The following PARD3B variants were observed in gnomAD, a reference collection of about 807,000 sequenced individuals.
PARD3B encodes the protein partitioning defective 3 homolog B.
A neutral mutation model predicts 130.2 loss-of-function variants in PARD3B; 103 were observed. The ratio of observed to expected loss-of-function variants is 0.79; its 90% CI spans 0.67 to 0.93. PARD3B has a LOEUF of 0.93. Ranked by LOEUF, PARD3B falls within the 40% of genes least tolerant of loss-of-function variation. The pLI, the probability that PARD3B is intolerant of heterozygous loss-of-function variation, is 0.00. For synonymous variants in PARD3B, 583 were observed against 553.2 expected, an observed-to-expected ratio of 1.05 and a Z score of -0.76; for missense variants, 1,609 against 1,499.2, an observed-to-expected ratio of 1.07 and a Z score of -1.21.
At chr2:204,880,657 C>CAAAAAAAAAAAAAAAAAAAAAAA (rs746023895) in intron 2 of PARD3B, among the ~76,000 whole-genome samples, 1 of 55,466 alleles carries the variant, frequency 1.8e-5, no homozygotes, top group African/African-American at 5.4e-5. Context: ...GACTCCATCT[C>CAAAAAAAAAAAAAAAAAAAAAAA]AAAAAAAAAA....
intron 2 of PARD3B, among the ~76,000 whole-genome samples, chr2:204,745,392 TA>T (rs1300294545): frequency 7.3e-6 from 1 of 137,710 alleles, no homozygotes; most frequent in Non-Finnish European, 1.5e-5. Context: ...TAATCCTTTG[TA>T]AGGTAAATAC....
intron 2 of PARD3B, among the ~76,000 whole-genome samples, chr2:204,810,925 A>G (rs1392917263): frequency 6.6e-5 from 10 of 152,022 alleles, no homozygotes; most frequent in Admixed American, 6.6e-4. Context: ...CTGTGAATCC[A>G]TCTGGTCCTG....
intron 10 of PARD3B, among the ~76,000 whole-genome samples, chr2:205,130,310 A>T (rs560617278): frequency 6.6e-6 from 1 of 152,338 alleles, no homozygotes; most frequent in African/African-American, 2.4e-5. Flanking sequence ...TAGTTAATCA[A>T]CTGGTGGTTT....
intron 8 of PARD3B, among the ~76,000 whole-genome samples, chr2:205,123,340 C>CA (rs1362143799): frequency 6.6e-6 from 1 of 152,120 alleles, no homozygotes; most frequent in Non-Finnish European, 1.5e-5. Flanking sequence ...TTGAAAAGGT[C>CA]AGGATCTGGA....
chr2:205,546,698 C>T (rs1248034154), intron 21 of PARD3B, among the ~76,000 whole-genome samples: 2 of 152,176 alleles, frequency 1.3e-5, no homozygotes, highest in African/African-American at 4.8e-5. Context: ...CCTCTATCTG[C>T]AATTTCCTAT....
intron 19 of PARD3B, among the ~76,000 whole-genome samples, chr2:205,419,889 G>T (rs2046907164): frequency 6.6e-6 from 1 of 152,090 alleles, no homozygotes; most frequent in South Asian, 2.1e-4. Flanking sequence ...GGAGAAGGAT[G>T]GTCTTCAAAT....
chr2:205,342,396 TATCTC>T, intron 18 of PARD3B, among the ~76,000 whole-genome samples: 1 of 152,312 alleles, frequency 6.6e-6, no homozygotes, highest in Middle Eastern at 3.4e-3. Context: ...AGCTTCCAAA[TATCTC>T]AGAGCAACCA....
intron 19 of PARD3B, among the ~76,000 whole-genome samples, chr2:205,414,583 A>C (rs1196572580): frequency 6.6e-6 from 1 of 152,134 alleles, no homozygotes; most frequent in Non-Finnish European, 1.5e-5. Flanking sequence ...TTTAAAGTAA[A>C]GAACAAATGA....
chr2:205,178,044 G>A (rs555985412), intron 13 of PARD3B, among the ~76,000 whole-genome samples: 222 of 145,070 alleles, frequency 1.5e-3, no homozygotes, highest in South Asian at 9.0e-3. Context: ...AGTGGCTCAC[G>A]CCTGTAATCC....
At position 204,883,107 on chromosome 2, in the gene PARD3B, G is replaced by A. The variant is rs147289561; in HGVS notation, c.223-82045G>A. On this transcript the variant is annotated intron_variant, in intron 2 of 22. Coordinates refer to ENST00000406610, the MANE Select transcript of PARD3B (RefSeq NM_001302769.2). ...ATGTTTTCTTTGTAACTCTGGAAAT[G>A]CTAGAGAAAATAAGTTTTCAAATGG... Among the ~76,000 whole-genome samples, 275 of 152,030 alleles carry A rather than the reference G, an allele frequency of 1.8e-3. 5 individuals are homozygous for A. The East Asian group carries it at 0.039, about 21-fold the overall frequency.
intron 19 of PARD3B, among the ~76,000 whole-genome samples, chr2:205,429,657 A>AT (rs2047262153): frequency 6.6e-6 from 1 of 152,070 alleles, no homozygotes; most frequent in Admixed American, 6.6e-5. Flanking sequence ...AAAAATACAC[A>AT]TTTTTCCAAA....
chr2:205,254,367 T>G (rs2039982864), intron 16 of PARD3B, among the ~76,000 whole-genome samples: 1 of 152,088 alleles, frequency 6.6e-6, no homozygotes, highest in African/African-American at 2.4e-5. Context: ...TCCCAGTCTA[T>G]GTTGAATAAT....
intron 14 of PARD3B, among the ~76,000 whole-genome samples, chr2:205,192,103 C>G (rs1033618184): frequency 1.3e-5 from 2 of 152,128 alleles, no homozygotes; most frequent in African/African-American, 4.8e-5. Flanking sequence ...TTGCTGCATA[C>G]TAATTTTAAT....
chr2:205,493,610 T>C (rs13412056), intron 20 of PARD3B, among the ~76,000 whole-genome samples: 10,685 of 152,184 alleles, frequency 0.07, 520 homozygotes, highest in African/African-American at 0.13. Flanking sequence ...TTGACACGCA[T>C]ACATCCAATT....
chr2:205,564,389 T>C lies in PARD3B; in HGVS notation c.3260+10986T>C, dbSNP rs1350400535. Among the ~76,000 whole-genome samples the C allele has an allele frequency of 6.6e-6, 1 of 152,216 alleles. No homozygotes were observed. The highest frequency in any genetic ancestry group is 1.5e-5 in the Non-Finnish European group (1 of 68,042). On this transcript the variant is annotated intron_variant, in intron 22 of 22. Coordinates refer to ENST00000406610, the MANE Select transcript of PARD3B (RefSeq NM_001302769.2). The surrounding 1 kb of genome is among the most constrained non-coding windows in gnomAD (Gnocchi z 4.6). ...AACCACTGAATCACAGAACTCCTCT[T>C]AGCAAATTCAAACACCCACTTCCTT...
At chr2:205,358,812 A>G (rs544805801) in intron 18 of PARD3B, among the ~76,000 whole-genome samples, 5 of 152,198 alleles carry the variant, frequency 3.3e-5, no homozygotes, top group Admixed American at 1.3e-4. Context: ...ACTCATCTGT[A>G]TAGTTTTTAG....
At chr2:205,157,728 A>T (rs2034266134) in intron 10 of PARD3B, among the ~76,000 whole-genome samples, 1 of 152,208 alleles carries the variant, frequency 6.6e-6, no homozygotes, top group Non-Finnish European at 1.5e-5. Context: ...ACCTAGAATG[A>T]GTTGATCATT....
chr2:205,111,777 T>A (rs1016690027), intron 5 of PARD3B, among the ~76,000 whole-genome samples: 6 of 152,056 alleles, frequency 3.9e-5, no homozygotes, highest in African/African-American at 1.4e-4. Context: ...TAAAAATATG[T>A]TACAAAGGTA....
At chr2:204,835,170 A>G (rs1284925208) in intron 2 of PARD3B, among the ~76,000 whole-genome samples, 1 of 152,216 alleles carries the variant, frequency 6.6e-6, no homozygotes, top group Non-Finnish European at 1.5e-5. Flanking sequence ...AATGCGCTTA[A>G]TGCACTTTGT....
Sources: gnomAD v4.1 joint callset for allele counts (sites outside exome capture counted in the v4.1 genomes callset) on GRCh38, gnomAD v4.1.1 for gene constraint, Gnocchi (gnomAD v3.1) non-coding constraint, MANE v1.5 for transcripts, NCBI Gene and HGNC (gene_info 2026-07-23, HGNC 2026-07-21) for gene names.